ADK: variants seen among roughly 807,000 people sequenced by gnomAD.
The protein encoded by ADK is N6,N6-dimethyladenosine kinase.
Under a neutral mutation model 44.7 loss-of-function variants are expected in ADK, and 24 were observed. That is an observed-to-expected ratio of 0.54 (90% CI 0.39 to 0.76). ADK has a LOEUF of 0.76. Ranked by LOEUF, ADK falls within the 30% of genes least tolerant of loss-of-function variation. The pLI is 0.00. For synonymous variants in ADK, 128 were observed against 142.6 expected (o/e 0.90, Z 0.73); for missense variants, 321 against 425.1 (o/e 0.76, Z 2.15).
intron 7 of ADK, among the ~76,000 whole-genome samples, chr10:74,560,091 A>T (rs1011790958): frequency 5.9e-5 from 9 of 151,952 alleles, no homozygotes; most frequent in South Asian, 2.1e-4. Context: ...TAATTTTTTT[A>T]AAAAATTTTT....
intron 10 of ADK, among the ~76,000 whole-genome samples, chr10:74,707,808 T>C (rs1856660034): frequency 6.6e-6 from 1 of 150,502 alleles, no homozygotes; most frequent in Admixed American, 6.6e-5. Flanking sequence ...TGATGGCAAG[T>C]TGTTGTGTCT....
intron 4 of ADK, among the ~76,000 whole-genome samples, chr10:74,324,129 C>T (rs986320449): frequency 1.3e-5 from 2 of 151,414 alleles, no homozygotes; most frequent in African/African-American, 2.4e-5. Context: ...CACAAGTGAT[C>T]CTCCCACCTC....
In ADK at chr10:74,394,125, T is replaced by C. The variant is rs757916994; in HGVS notation, c.274-16T>C. On this transcript the variant is annotated splice_polypyrimidine_tract_variant and intron_variant, in intron 4 of 10. Transcript: ENST00000539909. Reference sequence around the variant, plus strand: ...TTTTTTTGCCCCATTAAATTATTTATGTTCCTGTTTTACAGTGGATGATTC... The same window carrying C: ...TTTTTTTGCCCCATTAAATTATTTACGTTCCTGTTTTACAGTGGATGATTC... The C allele has an allele frequency of 3.7e-6, 6 of 1,613,902 alleles. No individual in the cohort carries two copies. Among genetic ancestry groups the C allele is most frequent in the Non-Finnish European group, 4.2e-6 (5 of 1,179,796 alleles).
Position 74,665,185 on chromosome 10 carries a change from CTG to C in ADK, c.878-4996_878-4995del, listed in dbSNP as rs1185357038. On this transcript the variant is annotated intron_variant, in intron 9 of 10. Coordinates refer to ENST00000539909, the MANE Select transcript of ADK (RefSeq NM_006721.4). ...TGGATAAATGTTGCATAGAAATTGTCTGTATTTTTCTGGGAACTTTTCTGTTA... is the reference window on the plus strand; with the variant it reads ...TGGATAAATGTTGCATAGAAATTGTCTATTTTTCTGGGAACTTTTCTGTTA... 3.3e-5 allele frequency among the ~76,000 whole-genome samples: 4 copies of C among 122,004 alleles called. 1 individual carries two copies. The South Asian group carries it at 7.5e-4, about 23-fold the overall frequency. The allele number at this position is 122,004 out of a possible 152,430, so 80.0% of individuals were successfully genotyped here. A position where few individuals can be genotyped will look rare whatever the true frequency, so the allele number is the denominator to read the frequency against.
Position 74,437,611 on chromosome 10 carries a change from A to T in ADK, c.555+39032A>T, listed in dbSNP as rs1904058. Reference sequence around the variant, plus strand: ...AGCAATTACCATTCTATTACAGACCATTAGTATTTTTCTCCTGCCCTACTG... The same window carrying T: ...AGCAATTACCATTCTATTACAGACCTTTAGTATTTTTCTCCTGCCCTACTG... On this transcript the variant is annotated intron_variant, in intron 6 of 10. Transcript: ENST00000539909. Among the ~76,000 whole-genome samples, 6 of 152,112 alleles carry T rather than the reference A, an allele frequency of 3.9e-5. 1 individual carries two copies. Among genetic ancestry groups the T allele is most frequent in the Middle Eastern group, 6.8e-3 (2 of 294 alleles).
intron 3 of ADK, among the ~76,000 whole-genome samples, chr10:74,231,926 T>A (rs2132268788): frequency 6.6e-6 from 1 of 152,230 alleles, no homozygotes; most frequent in East Asian, 1.9e-4. Context: ...AAGTACTAAA[T>A]CTGTGTTAGA....
chr10:74,252,669 G>A (rs117870441), intron 3 of ADK, among the ~76,000 whole-genome samples: 2,634 of 152,272 alleles, frequency 0.017, 26 homozygotes, highest in Non-Finnish European at 0.027. Context: ...AAAAGGAATA[G>A]AAAGTAAGTG....
At chr10:74,230,362 C>T (rs1194479720) in intron 3 of ADK, among the ~76,000 whole-genome samples, 1 of 151,910 alleles carries the variant, frequency 6.6e-6, no homozygotes, top group African/African-American at 2.4e-5. Context: ...GATAAAATGA[C>T]TTGCTATAGT....
chr10:74,639,852 C>T (rs540650328), intron 9 of ADK, among the ~76,000 whole-genome samples: 2 of 152,134 alleles, frequency 1.3e-5, no homozygotes, highest in East Asian at 3.9e-4. Flanking sequence ...AGCGAGACTC[C>T]ATCTCAAAAC....
At chr10:74,277,245 C>G (rs1846724922) in intron 3 of ADK, among the ~76,000 whole-genome samples, 1 of 152,098 alleles carries the variant, frequency 6.6e-6, no homozygotes, top group Admixed American at 6.6e-5. Context: ...GAATACTTAG[C>G]TCATTCATTT....
At chr10:74,481,195 T>A (rs1847059452) in intron 6 of ADK, among the ~76,000 whole-genome samples, 1 of 152,196 alleles carries the variant, frequency 6.6e-6, no homozygotes, top group African/African-American at 2.4e-5. Flanking sequence ...TATTTGTACT[T>A]CTTGTGGCTT....
At chr10:74,331,459 T>C (rs1841214846) in intron 4 of ADK, among the ~76,000 whole-genome samples, 1 of 152,178 alleles carries the variant, frequency 6.6e-6, no homozygotes, top group Non-Finnish European at 1.5e-5. Flanking sequence ...GTGGCAATAC[T>C]AGTAAACATT....
chr10:74,507,957 CAT>C (rs1315541098), intron 6 of ADK, among the ~76,000 whole-genome samples: 1 of 152,034 alleles, frequency 6.6e-6, no homozygotes, highest in African/African-American at 2.4e-5. Flanking sequence ...TAAATTCTAA[CAT>C]GTAGAGGTAG....
chr10:74,631,613 A>G (rs1008472546), intron 9 of ADK, among the ~76,000 whole-genome samples: 6 of 152,098 alleles, frequency 3.9e-5, no homozygotes, highest in East Asian at 1.9e-4. Flanking sequence ...TTGCAATCCA[A>G]TACCACAGAG....
chr10:74,563,005 A>G (rs1850516878), intron 7 of ADK, among the ~76,000 whole-genome samples: 1 of 152,206 alleles, frequency 6.6e-6, no homozygotes, highest in Non-Finnish European at 1.5e-5. Context: ...AAAATCTACT[A>G]AATACTCCCT....
intron 7 of ADK, among the ~76,000 whole-genome samples, chr10:74,535,938 AATGT>A (rs1287835262): frequency 6.6e-6 from 1 of 152,074 alleles, no homozygotes; most frequent in Non-Finnish European, 1.5e-5. Context: ...ATTAAAATAA[AATGT>A]TTAGATTATG....
intron 1 of ADK, among the ~76,000 whole-genome samples, chr10:74,151,650 C>T (rs2132018472): frequency 6.6e-6 from 1 of 152,334 alleles, no homozygotes; most frequent in Non-Finnish European, 1.5e-5. Flanking sequence ...GGTGCGACCC[C>T]GGAGGGTCGG....
At chr10:74,619,754 C>T (rs1019043065) in intron 9 of ADK, among the ~76,000 whole-genome samples, 5 of 152,024 alleles carry the variant, frequency 3.3e-5, no homozygotes, top group South Asian at 2.1e-4. Flanking sequence ...GCTCTGTCAC[C>T]GAGGCCAGAA....
At chr10:74,244,001 A>G (rs1455304361) in intron 3 of ADK, among the ~76,000 whole-genome samples, 1 of 141,052 alleles carries the variant, frequency 7.1e-6, no homozygotes, top group Non-Finnish European at 1.5e-5. Context: ...CGACACCTTA[A>G]AAAAAAACTA....
Sources: gnomAD v4.1 joint callset for allele counts (sites outside exome capture counted in the v4.1 genomes callset) on GRCh38, gnomAD v4.1.1 for gene constraint, MANE v1.5 for transcripts, NCBI Gene and HGNC (gene_info 2026-07-23, HGNC 2026-07-21) for gene names.